CTNNA2: variants seen among roughly 807,000 people sequenced by gnomAD.
CTNNA2 encodes the protein catenin alpha-2.
A neutral mutation model predicts 101.0 loss-of-function variants in CTNNA2; 42 were observed. The ratio of observed to expected loss-of-function variants is 0.42; its 90% CI spans 0.32 to 0.54. CTNNA2 has a LOEUF of 0.54. CTNNA2 is among the 20% of genes least tolerant of loss of function. The probability of loss-of-function intolerance (pLI) is 0.14; values close to 1 mark genes in which losing one functional copy is unlikely to be tolerated. For synonymous variants in CTNNA2, 450 were observed against 456.4 expected (o/e 0.99, Z 0.18); for missense variants, 871 against 1,223.1 (o/e 0.71, Z 4.29).
At position 80,420,986 on chromosome 2, in the gene CTNNA2, A is replaced by G. The variant is rs534449080; in HGVS notation, c.1290+1385A>G. On this transcript the variant is annotated intron_variant, in intron 9 of 18. Transcript: ENST00000402739. ...TTCTCTCATATCAGGCAAGCCTTCT[A>G]TCACCCTTCACATTCCACCTACATG... Among the ~76,000 whole-genome samples the G allele has an allele frequency of 3.9e-5, 6 of 152,308 alleles. No homozygotes were observed. The East Asian group carries it at 9.7e-4, about 25-fold the overall frequency.
intron 4 of CTNNA2, among the ~76,000 whole-genome samples, chr2:79,375,385 T>G (rs1377127723): frequency 6.6e-6 from 1 of 152,196 alleles, no homozygotes; most frequent in African/African-American, 2.4e-5. Context: ...TAGTTGTTCA[T>G]TAATGAGTAT....
intron 7 of CTNNA2, among the ~76,000 whole-genome samples, chr2:80,093,796 A>G (rs1359270350): frequency 6.6e-6 from 1 of 152,162 alleles, no homozygotes; most frequent in African/African-American, 2.4e-5. Context: ...GGCTGCATAA[A>G]TGTCTTCTTT....
At chr2:79,264,544 G>A (rs1674966153) in intron 2 of CTNNA2, among the ~76,000 whole-genome samples, 1 of 152,124 alleles carries the variant, frequency 6.6e-6, no homozygotes, top group Admixed American at 6.6e-5. Flanking sequence ...TTTAAGCAAT[G>A]CTGTGATAAT....
intron 7 of CTNNA2, among the ~76,000 whole-genome samples, chr2:80,205,032 C>T (rs1707447741): frequency 6.6e-6 from 1 of 152,056 alleles, no homozygotes; most frequent in South Asian, 2.1e-4. Context: ...GAAAGACCTG[C>T]CCCCATAATT....
At chr2:79,565,328 G>T (rs929414344) in intron 1 of CTNNA2, among the ~76,000 whole-genome samples, 5 of 151,992 alleles carry the variant, frequency 3.3e-5, no homozygotes, top group Non-Finnish European at 7.4e-5. Flanking sequence ...TTGAATCTCA[G>T]GTACTATCCA....
At chr2:80,279,790 C>T (rs1236988408) in intron 7 of CTNNA2, among the ~76,000 whole-genome samples, 1 of 152,048 alleles carries the variant, frequency 6.6e-6, no homozygotes, top group Non-Finnish European at 1.5e-5. Context: ...TATGTCATGG[C>T]CTGGGCTCCT....
At chr2:80,269,505 A>T (rs918243795) in intron 7 of CTNNA2, among the ~76,000 whole-genome samples, 11 of 152,170 alleles carry the variant, frequency 7.2e-5, no homozygotes, top group African/African-American at 1.9e-4. Flanking sequence ...GCAAAAGGAT[A>T]CCTTAATTTT....
intron 9 of CTNNA2, among the ~76,000 whole-genome samples, chr2:80,535,639 A>G (rs1690943203): frequency 6.6e-6 from 1 of 152,158 alleles, no homozygotes; most frequent in Admixed American, 6.5e-5. Context: ...CAAGAGTGCC[A>G]GATGCCTTAT....
At chr2:80,183,884 GGT>G (rs35982231) in intron 7 of CTNNA2, among the ~76,000 whole-genome samples, 2,167 of 149,436 alleles carry the variant, frequency 0.015, 29 homozygotes, top group African/African-American at 0.035. Flanking sequence ...TGTGCTCTTG[GGT>G]GTGTGTGTGT....
At chr2:79,287,566 CA>C (rs1217088805) in intron 2 of CTNNA2, among the ~76,000 whole-genome samples, 6 of 56,882 alleles carry the variant, frequency 1.1e-4, no homozygotes, top group Admixed American at 1.6e-4. Context: ...TTAGGCTGCT[CA>C]GGGGTCAGGG....
chr2:79,840,809 G>A (rs1679742979), intron 3 of CTNNA2, among the ~76,000 whole-genome samples: 4 of 150,558 alleles, frequency 2.7e-5, no homozygotes, highest in Admixed American at 2.6e-4. Flanking sequence ...CTTTCGCCCA[G>A]GCCGGACTGC....
chr2:80,593,739 A>G (rs1696711529), intron 15 of CTNNA2, among the ~76,000 whole-genome samples: 1 of 152,156 alleles, frequency 6.6e-6, no homozygotes, highest in East Asian at 1.9e-4. Context: ...TCCTTTTGTG[A>G]CTGGCTTATT....
At chr2:80,367,120 C>G (rs1172178106) in intron 7 of CTNNA2, among the ~76,000 whole-genome samples, 5 of 151,936 alleles carry the variant, frequency 3.3e-5, no homozygotes, top group Admixed American at 3.3e-4. Flanking sequence ...CAGGTTTGCT[C>G]TAAGCAGTTC....
At chr2:80,366,998 A>G (rs1415954334) in intron 7 of CTNNA2, among the ~76,000 whole-genome samples, 1 of 143,024 alleles carries the variant, frequency 7.0e-6, no homozygotes, top group Non-Finnish European at 1.5e-5. Context: ...GTGAGAGACA[A>G]ATGGTTGCAT....
chr2:79,486,564 T>A (rs561668943), intron 4 of CTNNA2, among the ~76,000 whole-genome samples: 18 of 152,234 alleles, frequency 1.2e-4, no homozygotes, highest in African/African-American at 4.3e-4. Context: ...TAGCAGCATG[T>A]TTTATAGTCC....
intron 2 of CTNNA2, among the ~76,000 whole-genome samples, chr2:79,668,563 CT>C (rs1237249258): frequency 2.6e-5 from 4 of 152,138 alleles, no homozygotes; most frequent in African/African-American, 4.8e-5. Flanking sequence ...ATATTCCTTT[CT>C]TTTCTCAAGA....
intron 2 of CTNNA2, among the ~76,000 whole-genome samples, chr2:79,279,429 C>T (rs1051221006): frequency 2.6e-5 from 4 of 152,066 alleles, no homozygotes; most frequent in African/African-American, 9.7e-5. Flanking sequence ...GGGGTCTGCG[C>T]AGGTGAGTCT....
Position 80,043,040 on chromosome 2 carries a change from CTT to C in CTNNA2, c.1056+133244_1056+133245del, listed in dbSNP as rs1466369033. Among the ~76,000 whole-genome samples, 9 of 52,816 alleles carry C rather than the reference CTT, an allele frequency of 1.7e-4. No homozygotes were observed. In the South Asian group the frequency reaches 2.2e-3, roughly 13 times the overall value. The allele number at this position is 52,816 out of a possible 152,430, so 34.6% of individuals were successfully genotyped here. A position where few individuals can be genotyped will look rare whatever the true frequency, so the allele number is the denominator to read the frequency against. ...TTCCCTTTCTTTCTTTCTTTCTTTC[CTT>C]CTTTCTTTCTTTCTTTCTTTCTTTC... On this transcript the variant is annotated intron_variant, in intron 7 of 18. Coordinates refer to ENST00000402739, the MANE Select transcript of CTNNA2 (RefSeq NM_001282597.3).
At chr2:79,320,990 A>G (rs1445271677) in intron 3 of CTNNA2, among the ~76,000 whole-genome samples, 1 of 152,202 alleles carries the variant, frequency 6.6e-6, no homozygotes, top group African/African-American at 2.4e-5. Context: ...TTCTAAAAGT[A>G]TCCTAGGATC....
Sources: gnomAD v4.1 joint callset for allele counts (sites outside exome capture counted in the v4.1 genomes callset) on GRCh38, gnomAD v4.1.1 for gene constraint, MANE v1.5 for transcripts, NCBI Gene and HGNC (gene_info 2026-07-23, HGNC 2026-07-21) for gene names.